Variants in CSMD1 observed in about 807,000 individuals in gnomAD.
CSMD1 encodes the protein CUB and Sushi multiple domains 1, also known as CUB and sushi domain-containing protein 1.
In CSMD1, 213 loss-of-function variants were observed where a neutral mutation model predicts 417.5. The ratio of observed to expected loss-of-function variants is 0.51; its 90% CI spans 0.46 to 0.57. The LOEUF (loss-of-function observed/expected upper bound fraction) is 0.57. Ranked by LOEUF, CSMD1 falls within the 20% of genes least tolerant of loss-of-function variation. CSMD1 has a pLI of 0.00. For missense variants in CSMD1, 6,923 were observed against 4,529.7 expected (o/e 1.53, Z -15.17); for synonymous variants, 2,862 against 1,736.8 (o/e 1.65, Z -16.11).
chr8:4,140,042 A>G (rs1563175549), intron 3 of CSMD1, among the ~76,000 whole-genome samples: 1 of 150,922 alleles, frequency 6.6e-6, no homozygotes, highest in African/African-American at 2.5e-5. Flanking sequence ...AGGATAGAAG[A>G]CACATTTGAT....
intron 7 of CSMD1, among the ~76,000 whole-genome samples, chr8:3,703,934 G>T (rs1350141090): frequency 6.6e-6 from 1 of 152,028 alleles, no homozygotes; most frequent in Non-Finnish European, 1.5e-5. Flanking sequence ...AGTCGGACAT[G>T]GTGGCACACA....
intron 40 of CSMD1, among the ~76,000 whole-genome samples, chr8:3,145,776 T>G (rs1159721954): frequency 6.6e-6 from 1 of 152,252 alleles, no homozygotes; most frequent in South Asian, 2.1e-4. Flanking sequence ...CAGAGAGTAC[T>G]AAAGCATATA....
intron 8 of CSMD1, among the ~76,000 whole-genome samples, chr8:3,598,706 A>T (rs1197144533): frequency 6.6e-6 from 1 of 150,560 alleles, no homozygotes; most frequent in African/African-American, 2.5e-5. Flanking sequence ...GATGCTAAAA[A>T]CCTCCCTAGA....
In CSMD1 at chr8:3,250,709, C is replaced by T. The variant is rs537484570; in HGVS notation, c.4154-20478G>A. On this transcript the variant is annotated intron_variant, in intron 26 of 69. Transcript: ENST00000635120. ...AAGTGTTCCTATTTCTCCACATCCT[C>T]TCCAGCACCTGTTGTTTCCTGACTT... Among the ~76,000 whole-genome samples, 963 of 152,294 alleles carry T rather than the reference C, an allele frequency of 6.3e-3. 8 individuals carry two copies. The highest frequency in any genetic ancestry group is 0.022 in the African/African-American group (903 of 41,572).
intron 10 of CSMD1, among the ~76,000 whole-genome samples, chr8:3,496,867 T>C (rs1563094145): frequency 6.6e-6 from 1 of 152,224 alleles, no homozygotes; most frequent in African/African-American, 2.4e-5. Context: ...TCTTAATTTC[T>C]TTATAGACCC....
At chr8:4,917,544 G>C (rs1044413798) in intron 1 of CSMD1, among the ~76,000 whole-genome samples, 26 of 152,198 alleles carry the variant, frequency 1.7e-4, no homozygotes, top group Non-Finnish European at 2.9e-5. Flanking sequence ...TGAAGCAGGA[G>C]AATCGCTTGA....
intron 3 of CSMD1, among the ~76,000 whole-genome samples, chr8:4,338,546 T>G (rs2128894167): frequency 6.6e-6 from 1 of 152,218 alleles, no homozygotes; most frequent in East Asian, 1.9e-4. Context: ...TTTACTCTAT[T>G]TTCAAAACTA....
Position 4,616,365 on chromosome 8 carries a change from A to C in CSMD1, c.302+20977T>G, listed in dbSNP as rs539664253. 2.0e-5 allele frequency among the ~76,000 whole-genome samples: 3 copies of C among 152,354 alleles called. No individual in the cohort carries two copies. In the East Asian group the frequency reaches 5.8e-4, roughly 29 times the overall value. Reference sequence around the variant, plus strand: ...AGTCCTTCTCAAGAACTCTGAGGTCACATGGAGATGACCACAACAGGCAAA... The same window carrying C: ...AGTCCTTCTCAAGAACTCTGAGGTCCCATGGAGATGACCACAACAGGCAAA... On this transcript the variant is annotated intron_variant, in intron 2 of 69. Transcript: ENST00000635120.
intron 2 of CSMD1, among the ~76,000 whole-genome samples, chr8:4,435,754 T>G (rs1039249159): frequency 6.6e-6 from 1 of 152,058 alleles, no homozygotes; most frequent in Non-Finnish European, 1.5e-5. Flanking sequence ...GTGGCTACAA[T>G]AAAAAGTACC....
chr8:3,525,135 T>C lies in CSMD1; in HGVS notation c.1345-31409A>G, dbSNP rs191416383. ...ACACACATAGAAGGCTCAAGCCACA[T>C]ACAGTGAGTCTTGAGTCTCAGTAGG... On this transcript the variant is annotated intron_variant, in intron 10 of 69. Coordinates refer to ENST00000635120, the MANE Select transcript of CSMD1 (RefSeq NM_033225.6). 4.4e-3 allele frequency among the ~76,000 whole-genome samples: 671 copies of C among 151,714 alleles called. 4 individuals carry two copies. The highest frequency in any genetic ancestry group is 5.5e-3 in the Non-Finnish European group (371 of 67,798).
intron 5 of CSMD1, among the ~76,000 whole-genome samples, chr8:3,759,806 G>C (rs1002960684): frequency 6.7e-6 from 1 of 148,722 alleles, no homozygotes; most frequent in Non-Finnish European, 1.5e-5. Context: ...TACTCGGGAA[G>C]ATGAGGGAGG....
intron 15 of CSMD1, 22 bp from the exon 16 acceptor site, chr8:3,399,551 C>A (rs139204882): frequency 6.5e-7 from 1 of 1,547,208 alleles, no homozygotes; most frequent in Admixed American, 2.0e-5. Context: ...CGTAGAATAT[C>A]TATTAGATCC....
intron 3 of CSMD1, among the ~76,000 whole-genome samples, chr8:4,061,142 TC>T (rs1798951323): frequency 6.6e-6 from 1 of 152,182 alleles, no homozygotes; most frequent in South Asian, 2.1e-4. Context: ...GCTCATCTCA[TC>T]CCCATCCTTG....
At chr8:4,737,917 G>A (rs1810351056) in intron 1 of CSMD1, among the ~76,000 whole-genome samples, 1 of 152,176 alleles carries the variant, frequency 6.6e-6, no homozygotes. Context: ...AAATTTGTTT[G>A]AAGGAAAGGC....
At chr8:4,456,489 G>C (rs561659955) in intron 2 of CSMD1, among the ~76,000 whole-genome samples, 1 of 152,136 alleles carries the variant, frequency 6.6e-6, no homozygotes, top group Non-Finnish European at 1.5e-5. Context: ...AATAGTCTTT[G>C]GAAAATTGTA....
chr8:3,874,565 G>A (rs1299294876), intron 5 of CSMD1, among the ~76,000 whole-genome samples: 1 of 152,146 alleles, frequency 6.6e-6, no homozygotes, highest in African/African-American at 2.4e-5. Flanking sequence ...AGATGTTGCT[G>A]CCTCTGTGAT....
At chr8:4,922,128 G>A (rs538935105) in intron 1 of CSMD1, among the ~76,000 whole-genome samples, 4 of 152,092 alleles carry the variant, frequency 2.6e-5, no homozygotes, top group Non-Finnish European at 5.9e-5. Context: ...ATTACCCATT[G>A]CCTTGCAGGT....
intron 2 of CSMD1, among the ~76,000 whole-genome samples, chr8:4,519,878 G>A (rs1429838484): frequency 6.6e-6 from 1 of 150,956 alleles, no homozygotes; most frequent in Non-Finnish European, 1.5e-5. Flanking sequence ...TGGTTCATGA[G>A]GAAGTGAATT....
chr8:4,195,913 T>C (rs1461841343), intron 3 of CSMD1, among the ~76,000 whole-genome samples: 4 of 151,448 alleles, frequency 2.6e-5, no homozygotes, highest in Admixed American at 2.6e-4. Flanking sequence ...GAGAAAACTA[T>C]GAGATAAAAA....
Sources: gnomAD v4.1 joint callset for allele counts (sites outside exome capture counted in the v4.1 genomes callset) on GRCh38, gnomAD v4.1.1 for gene constraint, MANE v1.5 for transcripts, NCBI Gene and HGNC (gene_info 2026-07-23, HGNC 2026-07-21) for gene names.